The following CNOT1 variants were observed in gnomAD, a reference collection of about 807,000 sequenced individuals.
CNOT1 encodes the protein CCR4-NOT transcription complex subunit 1.
CNOT1 carries 15 observed loss-of-function variants against 273.8 expected under a neutral mutation model. That is an observed-to-expected ratio of 0.05 (90% CI 0.04 to 0.08). The LOEUF is 0.08. Among genes scored for constraint, CNOT1 ranks in the 10% least tolerant of loss-of-function variants. CNOT1 has a pLI of 1.00. For synonymous variants in CNOT1, 1,022 were observed against 1,005.5 expected, an observed-to-expected ratio of 1.02 and a Z score of -0.31; for missense variants, 1,644 against 2,912.2, an observed-to-expected ratio of 0.56 and a Z score of 10.02.
intron 33 of CNOT1, 110 bp from the exon 34 acceptor site, chr16:58,541,730 C>T (rs1476927541): frequency 1.5e-5 from 15 of 999,288 alleles, no homozygotes; most frequent in Admixed American, 8.7e-5. Flanking sequence ...AGAGTCATTA[C>T]AACATATAAC....
chr16:58,579,038 T>C (rs1043048537), intron 12 of CNOT1, 99 bp from the exon 13 acceptor site: 13 of 1,495,866 alleles, frequency 8.7e-6, no homozygotes, highest in Non-Finnish European at 1.2e-5. Context: ...CAAAACCAAG[T>C]TGGTGTCATG....
chr16:58,623,736 C>A (rs1420378234), intron 1 of CNOT1, among the ~76,000 whole-genome samples: 1 of 152,134 alleles, frequency 6.6e-6, no homozygotes, highest in Non-Finnish European at 1.5e-5. Flanking sequence ...TGTCTGTAAT[C>A]CCAGCACTTT....
intron 22 of CNOT1, among the ~76,000 whole-genome samples, chr16:58,553,324 G>A (rs1222026862): frequency 2.0e-5 from 3 of 151,790 alleles, no homozygotes; most frequent in Non-Finnish European, 2.9e-5. Flanking sequence ...GGAATCTAAC[G>A]AGGTGGTAAG....
chr16:58,615,227 G>A lies in CNOT1; in HGVS notation c.-175+14501C>T, dbSNP rs1478852066. Among the ~76,000 whole-genome samples, 4 of 124,512 alleles carry A rather than the reference G, an allele frequency of 3.2e-5. 1 individual carries two copies. The highest frequency in any genetic ancestry group is 2.4e-4 in the Admixed American group (3 of 12,520). The allele number at this position is 124,512 out of a possible 152,430, so 81.7% of individuals were successfully genotyped here. On this transcript the variant is annotated intron_variant, in intron 1 of 48. Transcript: ENST00000317147. ...TGAATCTTATCACAAAGATGATCTG[G>A]GAAGCTACTTTGATTGGTTTGGGTC... is the stretch of plus-strand genomic sequence containing the variant.
At chr16:58,543,258 T>C in intron 31 of CNOT1, 11 of 1,543,478 alleles carry the variant, frequency 7.1e-6, no homozygotes, top group Non-Finnish European at 8.7e-6. Flanking sequence ...TTTAAGTCAT[T>C]TTGTATCGGC....
At chr16:58,603,925 AC>A (rs1425833130) in intron 1 of CNOT1, among the ~76,000 whole-genome samples, 1 of 152,226 alleles carries the variant, frequency 6.6e-6, no homozygotes, top group Non-Finnish European at 1.5e-5. Context: ...TACATAACAA[AC>A]AAGTAATTGT....
At position 58,520,633 on chromosome 16, in the gene CNOT1, T is replaced by C. The variant is rs956784513; in HGVS notation, c.*325A>G. 3 of 322,808 alleles carry C rather than the reference T, an allele frequency of 9.3e-6. No homozygotes were observed. The highest frequency in any genetic ancestry group is 1.8e-5 in the Non-Finnish European group (3 of 170,222). The allele number at this position is 322,808 out of a possible 1,614,324, so 20.0% of individuals were successfully genotyped here. Reference sequence around the variant, plus strand: ...CATCAGCTGCCTCTTCATTACAAGGTACCAGTTTATGTACTTGCCTTGGAC... The same window carrying C: ...CATCAGCTGCCTCTTCATTACAAGGCACCAGTTTATGTACTTGCCTTGGAC... On this transcript the variant is annotated 3_prime_UTR_variant, in exon 49 of 49. Transcript: ENST00000317147.
chr16:58,593,677 T>C (rs1050400532), intron 2 of CNOT1, among the ~76,000 whole-genome samples: 1 of 151,814 alleles, frequency 6.6e-6, no homozygotes, highest in African/African-American at 2.4e-5. Context: ...GAGGAGATGA[T>C]GATCTTGCCA....
intron 16 of CNOT1, 99 bp downstream of exon 16, chr16:58,574,510 A>T: frequency 8.3e-7 from 1 of 1,205,516 alleles, no homozygotes; most frequent in Non-Finnish European, 1.1e-6. Context: ...GGACCATTTT[A>T]AACTGCTGTC....
chr16:58,568,586 A>T (rs1167866337), intron 16 of CNOT1, among the ~76,000 whole-genome samples: 1 of 151,926 alleles, frequency 6.6e-6, no homozygotes, highest in Admixed American at 6.6e-5. Flanking sequence ...CAGCTGAGGC[A>T]GGAGAATCGC....
chr16:58,556,938 G>A lies in CNOT1; in HGVS notation c.2388C>T (p.Leu796=). Residue 796 remains leucine, a synonymous_variant, in exon 19 of 49, where the codon CTC becomes CTT. Coordinates refer to ENST00000317147, the MANE Select transcript of CNOT1 (RefSeq NM_016284.5). Reference sequence around the variant, plus strand: ...CAAAAGGGTCGTTATTCACTGCAGGGAGTCCAAGAGCACCAGTTCCTATAC... The same window carrying A: ...CAAAAGGGTCGTTATTCACTGCAGGAAGTCCAAGAGCACCAGTTCCTATAC... ...LTGIGTGALG[L]PAVNNDPFVQ... is the part of the protein sequence containing the mutation. 6.2e-7 allele frequency: 1 copy of A among 1,614,110 alleles called. No homozygotes were observed. The highest frequency in any genetic ancestry group is 8.5e-7 in the Non-Finnish European group (1 of 1,180,022).
At chr16:58,551,024 A>G (rs1198097805) in intron 24 of CNOT1, 108 bp downstream of exon 24, 24 of 1,528,888 alleles carry the variant, frequency 1.6e-5, no homozygotes, top group Non-Finnish European at 2.1e-5. Flanking sequence ...ATTCCCTTTG[A>G]GTTTATTACC....
At chr16:58,574,868 T>C (rs910888536) in intron 15 of CNOT1, 108 bp from the exon 16 acceptor site, 2 of 1,561,110 alleles carry the variant, frequency 1.3e-6, no homozygotes, top group African/African-American at 2.8e-5. Context: ...AGTAACATCT[T>C]CATTGCCATT....
chr16:58,617,875 A>G (rs1300555396), intron 1 of CNOT1, among the ~76,000 whole-genome samples: 2 of 152,168 alleles, frequency 1.3e-5, no homozygotes, highest in Non-Finnish European at 2.9e-5. Context: ...TGGGTGTGGC[A>G]CTGTGTGCCT....
chr16:58,541,678 T>C (rs1427628308), intron 33 of CNOT1, 58 bp from the exon 34 acceptor site: 10 of 1,576,780 alleles, frequency 6.3e-6, no homozygotes, highest in Non-Finnish European at 8.7e-6. Flanking sequence ...ATAAACTGTT[T>C]TGAAAGTGGA....
chr16:58,603,546 T>A (rs746431990), intron 1 of CNOT1, among the ~76,000 whole-genome samples: 4 of 151,128 alleles, frequency 2.6e-5, no homozygotes, highest in Non-Finnish European at 5.9e-5. Context: ...AAATGTCCAA[T>A]AAACAAACAA....
intron 1 of CNOT1, among the ~76,000 whole-genome samples, chr16:58,608,447 C>A (rs890174839): frequency 6.6e-6 from 1 of 150,390 alleles, no homozygotes; most frequent in African/African-American, 2.4e-5. Flanking sequence ...ACCAGCTACT[C>A]GGGAAGCTGA....
Position 58,626,064 on chromosome 16 carries a change from T to C in CNOT1, c.-175+3664A>G, listed in dbSNP as rs148544022. Among the ~76,000 whole-genome samples, 329 of 152,258 alleles carry C rather than the reference T, an allele frequency of 2.2e-3. 2 individuals carry two copies. The highest frequency in any genetic ancestry group is 7.7e-3 in the African/African-American group (320 of 41,546). On this transcript the variant is annotated intron_variant, in intron 1 of 48. Coordinates refer to ENST00000317147, the MANE Select transcript of CNOT1 (RefSeq NM_016284.5). The stretch of plus-strand genomic sequence containing the variant: ...TTTGGTCAGAGGGTCATTAAAGAAA[T>C]GCCTCAGTTAATATATATGACTTGA...
At chr16:58,603,537 A>T (rs2042557632) in intron 1 of CNOT1, among the ~76,000 whole-genome samples, 1 of 151,912 alleles carries the variant, frequency 6.6e-6, no homozygotes, top group South Asian at 2.1e-4. Context: ...AAGTCTTTAA[A>T]ATGTCCAATA....
Sources: allele counts gnomAD v4.1 joint callset (sites outside exome capture counted in the v4.1 genomes callset), GRCh38; gene constraint gnomAD v4.1.1; transcripts MANE v1.5; gene names NCBI Gene and HGNC (gene_info 2026-07-23, HGNC 2026-07-21).